IPMK: variants seen among roughly 807,000 people sequenced by gnomAD.
IPMK encodes inositol polyphosphate multikinase.
A neutral mutation model predicts 45.8 loss-of-function variants in IPMK; 17 were observed. The ratio of observed to expected loss-of-function variants is 0.37; its 90% CI spans 0.25 to 0.56. IPMK has a LOEUF of 0.56. Among genes scored for constraint, IPMK ranks in the 20% least tolerant of loss-of-function variants. The probability of loss-of-function intolerance (pLI) is 0.79; values close to 1 mark genes in which losing one functional copy is unlikely to be tolerated. For missense variants in IPMK, 399 were observed against 498.0 expected (o/e 0.80, Z 1.89); for synonymous variants, 180 against 184.3 (o/e 0.98, Z 0.19).
At position 58,267,333 on chromosome 10, in the gene IPMK, G is replaced by A. The variant is rs1839163197; in HGVS notation, c.190+89C>T. On this transcript the variant is annotated intron_variant, in intron 1 of 5. Coordinates refer to ENST00000373935, the MANE Select transcript of IPMK (RefSeq NM_152230.5). ...GCGTGCACACCAGGGGGGCGTCCAG[G>A]CAGGCCCGAGAGCGCTAGGCTGCCT... The A allele has an allele frequency of 3.0e-5, 40 of 1,341,948 alleles. No individual in the cohort carries two copies. The South Asian group carries it at 4.7e-4, about 16-fold the overall frequency. The allele number at this position is 1,341,948 out of a possible 1,614,324, so 83.1% of individuals were successfully genotyped here.
At chr10:58,264,599 C>A (rs1588975814) in intron 1 of IPMK, among the ~76,000 whole-genome samples, 1 of 152,006 alleles carries the variant, frequency 6.6e-6, no homozygotes, top group African/African-American at 2.4e-5. Flanking sequence ...TTTGCGAAAA[C>A]TTCCTACAGA....
At chr10:58,238,215 T>C (rs931214898) in intron 1 of IPMK, among the ~76,000 whole-genome samples, 1 of 152,246 alleles carries the variant, frequency 6.6e-6, no homozygotes, top group African/African-American at 2.4e-5. Flanking sequence ...AACATATGTG[T>C]TAACAGTGGC....
At chr10:58,259,767 G>A (rs1459825392) in intron 1 of IPMK, among the ~76,000 whole-genome samples, 1 of 151,878 alleles carries the variant, frequency 6.6e-6, no homozygotes, top group East Asian at 1.9e-4. Context: ...TTGAGCCTGG[G>A]AGGCGGAGGT....
At chr10:58,212,694 A>C (rs182525592) in intron 4 of IPMK, 5 of 244,718 alleles carry the variant, frequency 2.0e-5, no homozygotes, top group African/African-American at 4.6e-5. Context: ...CCTCTGTCGC[A>C]AAAGGTTTTA....
At chr10:58,196,813 GAA>G in intron 5 of IPMK, 115 bp from the exon 6 acceptor site, 2 of 728,812 alleles carry the variant, frequency 2.7e-6, no homozygotes, top group Non-Finnish European at 4.4e-6. Context: ...AGAATTAAGT[GAA>G]CAGTTAATCC....
chr10:58,251,894 C>T (rs982127649), intron 1 of IPMK, among the ~76,000 whole-genome samples: 3 of 152,220 alleles, frequency 2.0e-5, no homozygotes, highest in African/African-American at 7.2e-5. Context: ...GAGTTTCTTG[C>T]AGACAGCATA....
chr10:58,235,750 T>C (rs1309670628), intron 2 of IPMK, among the ~76,000 whole-genome samples: 1 of 152,116 alleles, frequency 6.6e-6, no homozygotes, highest in Non-Finnish European at 1.5e-5. Context: ...ACATGGCACA[T>C]GTATACTTAT....
chr10:58,255,426 G>A lies in IPMK; in HGVS notation c.190+11996C>T, dbSNP rs556896978. On this transcript the variant is annotated intron_variant, in intron 1 of 5. Transcript: ENST00000373935. Reference sequence around the variant, plus strand: ...TGAGTGGTGTCATGCCAGTTTGGGGGAGGGGGTGACACAGTCTGAAATGAT... The same window carrying A: ...TGAGTGGTGTCATGCCAGTTTGGGGAAGGGGGTGACACAGTCTGAAATGAT... Among the ~76,000 whole-genome samples the A allele has an allele frequency of 1.2e-4, 19 of 152,278 alleles. No homozygotes were observed. The South Asian group carries it at 3.5e-3, about 28-fold the overall frequency.
intron 1 of IPMK, among the ~76,000 whole-genome samples, chr10:58,245,111 T>G (rs929708454): frequency 9.3e-5 from 14 of 151,098 alleles, no homozygotes; most frequent in African/African-American, 3.4e-4. Context: ...AAAAGGAAAA[T>G]TATGTCTTAT....
intron 5 of IPMK, among the ~76,000 whole-genome samples, chr10:58,197,193 C>T (rs1000305239): frequency 8.6e-5 from 13 of 150,780 alleles, no homozygotes; most frequent in South Asian, 2.1e-4. Context: ...CCAGCTACTC[C>T]GGACGCTGAG....
chr10:58,201,468 C>T (rs915178384), intron 4 of IPMK, among the ~76,000 whole-genome samples: 1 of 152,146 alleles, frequency 6.6e-6, no homozygotes, highest in African/African-American at 2.4e-5. Context: ...ACGAAGCACA[C>T]GCACATAAGA....
chr10:58,195,010 T>C lies in IPMK; in HGVS notation c.*1066A>G, dbSNP rs1241370790. ...GAAGAGTGAAATAGAAGCATGAATA[T>C]AGATACGCACCAAACCCTATATTAC... is the stretch of plus-strand genomic sequence containing the variant. On this transcript the variant is annotated 3_prime_UTR_variant, in exon 6 of 6. Transcript: ENST00000373935. The C allele has an allele frequency of 2.6e-5, 4 of 151,968 alleles. No individual in the cohort carries two copies. Among genetic ancestry groups the C allele is most frequent in the Non-Finnish European group, 5.9e-5 (4 of 67,852 alleles). 9.4% of individuals were successfully genotyped at this position (151,968 alleles called of 1,614,324 possible). A position where few individuals can be genotyped will look rare whatever the true frequency, so the allele number is the denominator to read the frequency against.
rs1007321925 is a variant in IPMK at position 58,194,897 on chromosome 10, A to T, written c.*1179T>A. ...TGTGAAACAAAGATAATACAAATCT[A>T]ATTTTTCCAGGAACTGTAGCACTGC... On this transcript the variant is annotated 3_prime_UTR_variant, in exon 6 of 6. Coordinates refer to ENST00000373935, the MANE Select transcript of IPMK (RefSeq NM_152230.5). The T allele has an allele frequency of 6.6e-6, 1 of 152,010 alleles. No individual in the cohort carries two copies. Among genetic ancestry groups the T allele is most frequent in the Admixed American group, 6.5e-5 (1 of 15,268 alleles). The allele number at this position is 152,010 out of a possible 1,614,324, so 9.4% of individuals were successfully genotyped here.
chr10:58,251,504 C>T (rs758041908), intron 1 of IPMK, among the ~76,000 whole-genome samples: 90 of 152,054 alleles, frequency 5.9e-4, no homozygotes, highest in Non-Finnish European at 1.0e-3. Flanking sequence ...GTCCATTTGG[C>T]TTACAGTCCA....
rs11393849 is a variant in IPMK, at chr10:58,217,688, C to CAAAAAAAAAAAAAAA, written c.374-1386_374-1372dup. Among the ~76,000 whole-genome samples, 48 of 49,244 alleles carry CAAAAAAAAAAAAAAA rather than the reference C, an allele frequency of 9.7e-4. 1 individual carries two copies. The highest frequency in any genetic ancestry group is 1.9e-3 in the African/African-American group (20 of 10,650). The allele number at this position is 49,244 out of a possible 152,430, so 32.3% of individuals were successfully genotyped here. A position where few individuals can be genotyped will look rare whatever the true frequency, so the allele number is the denominator to read the frequency against. ...GGGCAACAAGAGCAAAACTCCATCT[C>CAAAAAAAAAAAAAAA]AAAAAAAAAAAAAAAAAAAAAGAAT... On this transcript the variant is annotated intron_variant, in intron 3 of 5. Coordinates refer to ENST00000373935, the MANE Select transcript of IPMK (RefSeq NM_152230.5).
At chr10:58,234,760 G>C (rs1838582635) in intron 2 of IPMK, among the ~76,000 whole-genome samples, 1 of 152,168 alleles carries the variant, frequency 6.6e-6, no homozygotes, top group Non-Finnish European at 1.5e-5. Context: ...GCATGGGCAA[G>C]GAATTCATGA....
intron 1 of IPMK, among the ~76,000 whole-genome samples, chr10:58,240,390 T>C (rs112397014): frequency 0.018 from 2,684 of 150,468 alleles, 87 homozygotes; most frequent in African/African-American, 0.06. Flanking sequence ...AAAAAATGTA[T>C]AGAGCATTAG....
At chr10:58,199,872 A>G (rs1361656367) in intron 4 of IPMK, among the ~76,000 whole-genome samples, 3 of 152,312 alleles carry the variant, frequency 2.0e-5, no homozygotes, top group Non-Finnish European at 4.4e-5. Flanking sequence ...CAAATTAGTA[A>G]ACAGAAAATA....
chr10:58,237,905 C>T, intron 1 of IPMK, 91 bp from the exon 2 acceptor site: 1 of 890,644 alleles, frequency 1.1e-6, no homozygotes, highest in Non-Finnish European at 1.8e-6. Context: ...GACAGGTAAA[C>T]TACTTCCATT....
Sources: allele counts gnomAD v4.1 joint callset (sites outside exome capture counted in the v4.1 genomes callset), GRCh38; gene constraint gnomAD v4.1.1; transcripts MANE v1.5; gene names NCBI Gene and HGNC (gene_info 2026-07-23, HGNC 2026-07-21).